The following ERCC6L2 variants were observed in gnomAD, a reference collection of about 807,000 sequenced individuals.
ERCC6L2 encodes ERCC excision repair 6 like 2.
A neutral mutation model predicts 132.0 loss-of-function variants in ERCC6L2; 77 were observed. The ratio of observed to expected loss-of-function variants is 0.58; its 90% CI spans 0.49 to 0.71. The LOEUF (loss-of-function observed/expected upper bound fraction) is 0.71. ERCC6L2 is among the 30% of genes least tolerant of loss of function. The pLI is 0.00. For synonymous variants in ERCC6L2, 583 were observed against 632.4 expected (o/e 0.92, Z 1.17); for missense variants, 1,542 against 1,837.6 (o/e 0.84, Z 2.94).
chr9:95,910,983 A>C (rs942342708), intron 4 of ERCC6L2, among the ~76,000 whole-genome samples: 12 of 152,100 alleles, frequency 7.9e-5, no homozygotes, highest in South Asian at 2.1e-4. Context: ...GTGCTATCAC[A>C]GCTCACTGTA....
chr9:95,941,440 T>TC lies in ERCC6L2; in HGVS notation c.1752-13dup, dbSNP rs1564245334. On this transcript the variant is annotated splice_polypyrimidine_tract_variant and intron_variant, in intron 11 of 18. Transcript: ENST00000653738. The stretch of plus-strand genomic sequence containing the variant: ...GCTGTTCTAATGTGCTTTTTTTTTT[T>TC]CTCTTTCCTCCAGGGCTGGTGGACT... 5.0e-6 allele frequency: 8 copies of TC among 1,589,482 alleles called. No individual in the cohort carries two copies. Among genetic ancestry groups the TC allele is most frequent in the Non-Finnish European group, 4.3e-6 (5 of 1,165,592 alleles).
At chr9:95,990,786 C>T (rs866561217) in intron 17 of ERCC6L2, among the ~76,000 whole-genome samples, 20 of 152,222 alleles carry the variant, frequency 1.3e-4, no homozygotes, top group African/African-American at 4.3e-4. Context: ...CAGCCAAGTG[C>T]CAGCCAGCTG....
chr9:95,956,174 C>A (rs1472455540), intron 13 of ERCC6L2, among the ~76,000 whole-genome samples, 161 bp downstream of exon 13: 1 of 152,052 alleles, frequency 6.6e-6, no homozygotes, highest in African/African-American at 2.4e-5. Context: ...GAAACAGATT[C>A]TTTGGTTCAT....
chr9:96,013,363 G>T lies in ERCC6L2; in HGVS notation c.*160G>T. 2.2e-6 allele frequency: 1 copy of T among 451,434 alleles called. No homozygotes were observed. The highest frequency in any genetic ancestry group is 3.5e-6 in the Non-Finnish European group (1 of 288,172). 28.0% of individuals were successfully genotyped at this position (451,434 alleles called of 1,614,324 possible). A position where few individuals can be genotyped will look rare whatever the true frequency, so the allele number is the denominator to read the frequency against. On this transcript the variant is annotated 3_prime_UTR_variant, in exon 19 of 19. Coordinates refer to ENST00000653738, the MANE Select transcript of ERCC6L2 (RefSeq NM_020207.7). Reference sequence around the variant, plus strand: ...AAGTCTAAAGTATTGTCATGGATCTGTTTTTCTTGATATTTGATTTGATCT... The same window carrying T: ...AAGTCTAAAGTATTGTCATGGATCTTTTTTTCTTGATATTTGATTTGATCT...
chr9:95,894,279 A>G lies in ERCC6L2; in HGVS notation c.472-3570A>G, dbSNP rs1828326130. Among the ~76,000 whole-genome samples the G allele has an allele frequency of 2.0e-5, 3 of 152,328 alleles. No individual in the cohort carries two copies. The South Asian group carries it at 6.2e-4, about 32-fold the overall frequency. On this transcript the variant is annotated intron_variant, in intron 2 of 18. Coordinates refer to ENST00000653738, the MANE Select transcript of ERCC6L2 (RefSeq NM_020207.7). ...ATTATTTTTATACCATTGTAAATTG[A>G]AAAATTGCAAGTTGAGCTATCATAA...
At chr9:95,974,046 G>A (rs1292024145) in intron 16 of ERCC6L2, among the ~76,000 whole-genome samples, 1 of 152,174 alleles carries the variant, frequency 6.6e-6, no homozygotes, top group African/African-American at 2.4e-5. Context: ...CAAGATATAA[G>A]TTAGTGTTTA....
intron 1 of ERCC6L2, among the ~76,000 whole-genome samples, chr9:95,877,870 A>T (rs1827369499): frequency 6.6e-6 from 1 of 151,960 alleles, no homozygotes; most frequent in African/African-American, 2.4e-5. Flanking sequence ...CTGCTGTGTG[A>T]CTCTGTGTTG....
At chr9:95,979,382 C>T (rs1294068305) in intron 17 of ERCC6L2, among the ~76,000 whole-genome samples, 1 of 152,098 alleles carries the variant, frequency 6.6e-6, no homozygotes, top group African/African-American at 2.4e-5. Context: ...GCCCAAAATG[C>T]CATAACACCC....
downstream of ERCC6L2, among the ~76,000 whole-genome samples, chr9:96,018,635 A>ATT (rs57092627): frequency 4.5e-3 from 639 of 142,202 alleles, 7 homozygotes; most frequent in African/African-American, 0.014. Context: ...TAATTTTTGC[A>ATT]TTTTTTTTTT....
chr9:95,883,523 T>G (rs1001967905), intron 2 of ERCC6L2, among the ~76,000 whole-genome samples: 10 of 152,240 alleles, frequency 6.6e-5, no homozygotes, highest in African/African-American at 2.4e-4. Context: ...GGTAGAATGT[T>G]TGTTACCACA....
At chr9:95,992,567 ATCTT>A (rs1833339570) in intron 17 of ERCC6L2, among the ~76,000 whole-genome samples, 1 of 152,264 alleles carries the variant, frequency 6.6e-6, no homozygotes, top group Non-Finnish European at 1.5e-5. Context: ...AAAAAGCTGA[ATCTT>A]TCACATACTT....
chr9:96,022,241 T>A (rs1834304265), downstream of ERCC6L2, among the ~76,000 whole-genome samples: 1 of 152,154 alleles, frequency 6.6e-6, no homozygotes, highest in African/African-American at 2.4e-5. Context: ...TAATCCATTT[T>A]CCACACCGCT....
chr9:95,907,857 C>CACACACACACACACACACA lies in ERCC6L2; in HGVS notation c.788+586_788+587insACACACACACACACACACA. Among the ~76,000 whole-genome samples the CACACACACACACACACACA allele has an allele frequency of 7.8e-4, 104 of 133,812 alleles. 1 individual carries two copies. The highest frequency in any genetic ancestry group is 2.9e-3 in the East Asian group (12 of 4,206). The allele number at this position is 133,812 out of a possible 152,430, so 87.8% of individuals were successfully genotyped here. On this transcript the variant is annotated intron_variant, in intron 4 of 18. Coordinates refer to ENST00000653738, the MANE Select transcript of ERCC6L2 (RefSeq NM_020207.7). ...CACACACACACACACACACACACAC[C>CACACACACACACACACACA]CCCACACCCACACACCCACTGTAGC... is the stretch of plus-strand genomic sequence containing the variant.
At chr9:95,999,610 A>T (rs1833589433) in intron 17 of ERCC6L2, among the ~76,000 whole-genome samples, 1 of 152,128 alleles carries the variant, frequency 6.6e-6, no homozygotes, top group Non-Finnish European at 1.5e-5. Context: ...GCTTGGCATG[A>T]TTTCTCTATG....
chr9:96,036,763 A>ATTATTTTT (rs1564314535), intron 19 of ERCC6L2, among the ~76,000 whole-genome samples: 3 of 137,650 alleles, frequency 2.2e-5, no homozygotes, highest in African/African-American at 5.5e-5. Flanking sequence ...TATTATTATT[A>ATTATTTTT]TTTTTATTTA....
chr9:95,893,689 T>C (rs746363264), intron 2 of ERCC6L2, among the ~76,000 whole-genome samples: 6 of 152,192 alleles, frequency 3.9e-5, no homozygotes, highest in Non-Finnish European at 8.8e-5. Flanking sequence ...GTTCTATTTC[T>C]AAATTTCCTC....
intron 12 of ERCC6L2, among the ~76,000 whole-genome samples, chr9:95,946,329 C>A (rs1254290215): frequency 6.6e-6 from 1 of 152,110 alleles, no homozygotes; most frequent in Non-Finnish European, 1.5e-5. Context: ...GTGATCGAGA[C>A]CATCCTGGCT....
intron 17 of ERCC6L2, among the ~76,000 whole-genome samples, chr9:96,000,146 C>T (rs1038353570): frequency 2.4e-4 from 37 of 152,136 alleles, no homozygotes; most frequent in Non-Finnish European, 4.4e-4. Context: ...CTCGGCCTCC[C>T]AAAGTGCTGG....
At chr9:96,020,669 TC>T (rs1367363175), downstream of ERCC6L2, 1 of 414,068 alleles carries the variant, frequency 2.4e-6, no homozygotes, top group Non-Finnish European at 4.9e-6. Flanking sequence ...TGGAATGCCC[TC>T]CCAATGGCGG....
Sources: allele counts gnomAD v4.1 joint callset (sites outside exome capture counted in the v4.1 genomes callset), GRCh38; gene constraint gnomAD v4.1.1; transcripts MANE v1.5; gene names NCBI Gene and HGNC (gene_info 2026-07-23, HGNC 2026-07-21).